PLXNB1: variants seen among roughly 807,000 people sequenced by gnomAD.
PLXNB1 encodes the protein plexin B1, also known as plexin-B1.
A neutral mutation model predicts 209.4 loss-of-function variants in PLXNB1; 106 were observed. The ratio of observed to expected loss-of-function variants is 0.51; its 90% CI spans 0.43 to 0.59. PLXNB1 has a LOEUF of 0.59. PLXNB1 is among the 20% of genes least tolerant of loss of function. The probability of loss-of-function intolerance (pLI) is 0.00; values close to 1 mark genes in which losing one functional copy is unlikely to be tolerated. For synonymous variants in PLXNB1, 1,167 were observed against 1,183.2 expected, an observed-to-expected ratio of 0.99 and a Z score of 0.28; for missense variants, 2,357 against 2,853.2, an observed-to-expected ratio of 0.83 and a Z score of 3.96.
chr3:48,423,008 C>G, intron 3 of PLXNB1, 61 bp from the exon 4 acceptor site: 1 of 1,465,916 alleles, frequency 6.8e-7, no homozygotes, highest in Admixed American at 1.8e-5. Flanking sequence ...GCCGCATCGT[C>G]CCTGGACAAC....
Position 48,417,811 on chromosome 3 carries a change from GA to G in PLXNB1, c.3374+99del, listed in dbSNP as rs1219834386. 7 of 1,278,578 alleles carry G rather than the reference GA, an allele frequency of 5.5e-6. No individual in the cohort carries two copies. The highest frequency in any genetic ancestry group is 4.2e-5 in the Admixed American group (2 of 48,060). The allele number at this position is 1,278,578 out of a possible 1,614,324, so 79.2% of individuals were successfully genotyped here. A position where few individuals can be genotyped will look rare whatever the true frequency, so the allele number is the denominator to read the frequency against. ...TGGCCAGGATCAAGGAACAGGGAGA[GA>G]GGGGGGCAGATGAGCGGTGGGTGGG... On this transcript the variant is annotated intron_variant, in intron 16 of 37. Coordinates refer to ENST00000296440, the MANE Select transcript of PLXNB1 (RefSeq NM_001130082.3). The surrounding 1 kb of genome is among the most constrained non-coding windows in gnomAD (Gnocchi z 4.4).
At position 48,409,561 on chromosome 3, in the gene PLXNB1, T is replaced by C. The variant is rs1275649060; in HGVS notation, c.5939+10A>G. 6.2e-7 allele frequency: 1 copy of C among 1,613,552 alleles called. No individual in the cohort carries two copies. Among genetic ancestry groups the C allele is most frequent in the African/African-American group, 1.3e-5 (1 of 74,986 alleles). On this transcript the variant is annotated intron_variant, in intron 33 of 37. Coordinates refer to ENST00000296440, the MANE Select transcript of PLXNB1 (RefSeq NM_001130082.3). This position sits in a 1 kb window ranked among gnomAD's most constrained non-coding sequence, Gnocchi z 5.8. Reference sequence around the variant, plus strand: ...CACACACACCTAGAGCCCACCCAGCTCCACCCCACCTGTTGGTCTTCCAGA... The same window carrying C: ...CACACACACCTAGAGCCCACCCAGCCCCACCCCACCTGTTGGTCTTCCAGA...
rs750037445 is a variant in PLXNB1, at chr3:48,413,880, G to T, written c.4386+15C>A. 1 of 1,606,692 alleles carries T rather than the reference G, an allele frequency of 6.2e-7. No homozygotes were observed. The highest frequency in any genetic ancestry group is 8.5e-7 in the Non-Finnish European group (1 of 1,174,838). On this transcript the variant is annotated intron_variant, in intron 22 of 37. Transcript: ENST00000296440. The surrounding 1 kb of genome is among the most constrained non-coding windows in gnomAD (Gnocchi z 5.4). ...CAGGTCAATGCCCAGCCCGGCCAGG[G>T]ACCTGCCCACTGACCGTGAACTCAG...
In PLXNB1 at chr3:48,418,694, T is replaced by TG. The variant is rs1317365973; in HGVS notation, c.2956-153dup. ...ACAAGTTGGAGGGCAGAGCCAGAAA[T>TG]GGAGTATGGGGACCCCATGGGGTCT... On this transcript the variant is annotated intron_variant, in intron 13 of 37. Coordinates refer to ENST00000296440, the MANE Select transcript of PLXNB1 (RefSeq NM_001130082.3). This position sits in a 1 kb window ranked among gnomAD's most constrained non-coding sequence, Gnocchi z 6.6. 1 of 856,232 alleles carries TG rather than the reference T, an allele frequency of 1.2e-6. No homozygotes were observed. The highest frequency in any genetic ancestry group is 1.7e-5 in the African/African-American group (1 of 58,912). The allele number at this position is 856,232 out of a possible 1,614,324, so 53.0% of individuals were successfully genotyped here.
rs1469655032 is a variant in PLXNB1, at chr3:48,429,370, G to C, written c.-60+638C>G. ...GGCGGAGCCGCAGCTGTTACCCGGA[G>C]ACCGAGGGGCGGAAAACTGCGCCCG... is the stretch of plus-strand genomic sequence containing the variant. On this transcript the variant is annotated intron_variant, in intron 1 of 37. Coordinates refer to ENST00000296440, the MANE Select transcript of PLXNB1 (RefSeq NM_001130082.3). The surrounding 1 kb of genome is among the most constrained non-coding windows in gnomAD (Gnocchi z 6.4). 1 of 151,244 alleles carries C rather than the reference G, an allele frequency of 6.6e-6. No homozygotes were observed. Among genetic ancestry groups the C allele is most frequent in the Non-Finnish European group, 1.5e-5 (1 of 67,706 alleles). 9.4% of individuals were successfully genotyped at this position (151,244 alleles called of 1,614,324 possible). A position where few individuals can be genotyped will look rare whatever the true frequency, so the allele number is the denominator to read the frequency against.
In PLXNB1 at chr3:48,419,736, G is replaced by T; in HGVS notation, c.2550C>A (p.Pro850=). The T allele has an allele frequency of 6.2e-7, 1 of 1,610,600 alleles. No individual in the cohort carries two copies. Among genetic ancestry groups the T allele is most frequent in the Non-Finnish European group, 8.5e-7 (1 of 1,179,244 alleles). ...DWLTREGGEL[P]EADEWTGGDA... The stretch of plus-strand genomic sequence containing the variant: ...CACCCCCCGTCCACTCGTCCGCCTC[G>T]GGCAGCTCGCCGCCTTCTCTCGTGA... Residue 850 remains proline (P), a synonymous_variant, in exon 11 of 38, where the codon CCC becomes CCA. Coordinates refer to ENST00000296440, the MANE Select transcript of PLXNB1 (RefSeq NM_001130082.3). This position sits in a 1 kb window ranked among gnomAD's most constrained non-coding sequence, Gnocchi z 5.7.
rs746142646 is a variant in PLXNB1, at chr3:48,424,048, G to T, written c.564C>A (p.Ala188=). 1 of 1,595,186 alleles carries T rather than the reference G, an allele frequency of 6.3e-7. No individual in the cohort carries two copies. The highest frequency in any genetic ancestry group is 1.3e-5 in the African/African-American group (1 of 74,520). Residue 188 remains alanine, a synonymous_variant, in exon 3 of 38, where the codon GCC becomes GCA. Transcript: ENST00000296440. ...GGGIPPITTR[A]LWPPDPQAAF... is the part of the protein sequence containing the mutation. ...CAGCTTGGGGGTCGGGCGGCCACAG[G>T]GCCCGGGTTGTGATGGGTGGAATGC...
rs199576492 is a variant in PLXNB1, at chr3:48,422,883, G to C, written c.1172C>G (p.Pro391Arg). The change falls in exon 4 of 38, where the codon CCG becomes CGG. Residue 391 changes from proline (P) to arginine (R), a missense_variant. This residue lies in a region of PLXNB1 where 404 missense variants were observed against 443.6 expected (regional missense o/e 0.91). Transcript: ENST00000296440. ...CTCCAGAATTGGTGTGGCTTCCAGC[G>C]GGACCCGGCTGGCCATGGGGCTGGG... is the stretch of plus-strand genomic sequence containing the variant. ...HTPSPMASRV[P>R]LEATPILEWP... The C allele has an allele frequency of 3.1e-6, 5 of 1,613,986 alleles. No homozygotes were observed. The South Asian group carries it at 4.4e-5, about 14-fold the overall frequency.
chr3:48,415,792 G>A lies in PLXNB1; in HGVS notation c.3618-33C>T, dbSNP rs1293962180. Reference sequence around the variant, plus strand: ...GGGAGGTGGGAATGAATGCAGGGGCGCAGGCAGGGAAAACTTGGACCACTC... The same window carrying A: ...GGGAGGTGGGAATGAATGCAGGGGCACAGGCAGGGAAAACTTGGACCACTC... On this transcript the variant is annotated intron_variant, in intron 18 of 37. Coordinates refer to ENST00000296440, the MANE Select transcript of PLXNB1 (RefSeq NM_001130082.3). This position sits in a 1 kb window ranked among gnomAD's most constrained non-coding sequence, Gnocchi z 5.0. 1.4e-5 allele frequency: 21 copies of A among 1,524,458 alleles called. No individual in the cohort carries two copies. In the East Asian group the frequency reaches 2.0e-4, roughly 14 times the overall value. 94.4% of individuals were successfully genotyped at this position (1,524,458 alleles called of 1,614,324 possible).
In PLXNB1 at chr3:48,404,605, A is replaced by G. The variant is rs1368172046; in HGVS notation, c.6304-15T>C. 6.3e-7 allele frequency: 1 copy of G among 1,575,356 alleles called. No homozygotes were observed. The highest frequency in any genetic ancestry group is 1.1e-5 in the South Asian group (1 of 89,580). Reference sequence around the variant, plus strand: ...GCAGTGATGATCTGAAACAGAGACCAATGCCATCAGGGGAGACTTCTTTGG... The same window carrying G: ...GCAGTGATGATCTGAAACAGAGACCGATGCCATCAGGGGAGACTTCTTTGG... On this transcript the variant is annotated splice_polypyrimidine_tract_variant and intron_variant, in intron 37 of 37. Coordinates refer to ENST00000296440, the MANE Select transcript of PLXNB1 (RefSeq NM_001130082.3).
rs140998624 is a variant in PLXNB1 at position 48,404,186 on chromosome 3, G to A, written c.*300C>T. The A allele has an allele frequency of 8.9e-4, 344 of 387,038 alleles. 4 individuals carry two copies. The East Asian group carries it at 0.015, about 17-fold the overall frequency. The allele number at this position is 387,038 out of a possible 1,614,324, so 24.0% of individuals were successfully genotyped here. A position where few individuals can be genotyped will look rare whatever the true frequency, so the allele number is the denominator to read the frequency against. ...CAGGAACAGTACAGTCTCCCCAGGGGCCTGGAGTCTCTTCCAGCCACTCTC... is the reference window on the plus strand; with the variant it reads ...CAGGAACAGTACAGTCTCCCCAGGGACCTGGAGTCTCTTCCAGCCACTCTC... On this transcript the variant is annotated 3_prime_UTR_variant, in exon 38 of 38. Transcript: ENST00000296440.
chr3:48,413,557 ACT>A lies in PLXNB1; in HGVS notation c.4535+111_4535+112del. Reference sequence around the variant, plus strand: ...CTTGGCCTGCAAAGCGAAAATATTTACTCTCTGGCCATTTACAGAGAATGTTT... The same window carrying A: ...CTTGGCCTGCAAAGCGAAAATATTTACTCTGGCCATTTACAGAGAATGTTT... On this transcript the variant is annotated intron_variant, in intron 23 of 37. Coordinates refer to ENST00000296440, the MANE Select transcript of PLXNB1 (RefSeq NM_001130082.3). The surrounding 1 kb of genome is among the most constrained non-coding windows in gnomAD (Gnocchi z 5.4). The A allele has an allele frequency of 9.5e-6, 11 of 1,162,042 alleles. No homozygotes were observed. The highest frequency in any genetic ancestry group is 1.3e-5 in the Non-Finnish European group (11 of 841,616). The allele number at this position is 1,162,042 out of a possible 1,614,324, so 72.0% of individuals were successfully genotyped here.
chr3:48,426,099 G>C (rs963022997), intron 1 of PLXNB1, among the ~76,000 whole-genome samples: 1 of 152,194 alleles, frequency 6.6e-6, no homozygotes, highest in Non-Finnish European at 1.5e-5. Context: ...AGCTGTAGAA[G>C]CTAGGCCATC....
chr3:48,418,511 C>G lies in PLXNB1; in HGVS notation c.2987G>C (p.Arg996Pro). ...GGCCCGACGCAGAAACAGCCCCACACGGAGCTCCGGCTGCAGAGCCTCATA... is the reference window on the plus strand; with the variant it reads ...GGCCCGACGCAGAAACAGCCCCACAGGGAGCTCCGGCTGCAGAGCCTCATA... ...LSYEALQPEL[R>P]VGLFLRRAGR... Residue 996 changes from arginine to proline, a missense_variant, in exon 14 of 38, where the codon CGT becomes CCT. Physicochemically the swap from Arg to Pro is moderately radical, Grantham distance 103 (BLOSUM62 -2). Transcript: ENST00000296440. The surrounding 1 kb of genome is among the most constrained non-coding windows in gnomAD (Gnocchi z 6.6). The G allele has an allele frequency of 6.2e-7, 1 of 1,609,354 alleles. No homozygotes were observed. The highest frequency in any genetic ancestry group is 8.5e-7 in the Non-Finnish European group (1 of 1,178,220).
Position 48,415,421 on chromosome 3 carries a change from G to T in PLXNB1, c.3795-74C>A, listed in dbSNP as rs2038018676. 2 of 1,512,428 alleles carry T rather than the reference G, an allele frequency of 1.3e-6. No homozygotes were observed. Among genetic ancestry groups the T allele is most frequent in the Non-Finnish European group, 1.8e-6 (2 of 1,111,454 alleles). 93.7% of individuals were successfully genotyped at this position (1,512,428 alleles called of 1,614,324 possible). ...GGACCTAAAGCACAGCCCAGTCCCGGCTAGGTCAGCTCAGCCCCAGCCCCA... is the reference window on the plus strand; with the variant it reads ...GGACCTAAAGCACAGCCCAGTCCCGTCTAGGTCAGCTCAGCCCCAGCCCCA... On this transcript the variant is annotated intron_variant, in intron 19 of 37. Coordinates refer to ENST00000296440, the MANE Select transcript of PLXNB1 (RefSeq NM_001130082.3). This position sits in a 1 kb window ranked among gnomAD's most constrained non-coding sequence, Gnocchi z 5.0.
At position 48,405,599 on chromosome 3, in the gene PLXNB1, G is replaced by T; in HGVS notation, c.6303+125C>A. On this transcript the variant is annotated intron_variant, in intron 37 of 37. Transcript: ENST00000296440. The surrounding 1 kb of genome is among the most constrained non-coding windows in gnomAD (Gnocchi z 5.0). ...CACTTCTCAAGCCACCAAGGGGCCC[G>T]GCCCCCCACTACTCTGTCCCTGGGG... is the stretch of plus-strand genomic sequence containing the variant. The T allele has an allele frequency of 1.4e-6, 1 of 714,284 alleles. No individual in the cohort carries two copies. The allele number at this position is 714,284 out of a possible 1,614,324, so 44.2% of individuals were successfully genotyped here. A position where few individuals can be genotyped will look rare whatever the true frequency, so the allele number is the denominator to read the frequency against.
In PLXNB1 at chr3:48,413,831, C is replaced by G; in HGVS notation, c.4387-13G>C. On this transcript the variant is annotated splice_polypyrimidine_tract_variant and intron_variant, in intron 22 of 37. Coordinates refer to ENST00000296440, the MANE Select transcript of PLXNB1 (RefSeq NM_001130082.3). This position sits in a 1 kb window ranked among gnomAD's most constrained non-coding sequence, Gnocchi z 5.4. The stretch of plus-strand genomic sequence containing the variant: ...TCCCCATCTGCACCTGTGTCAGGAG[C>G]CACCTGTGAGCAAGGGTTTGGCCCA... 6.2e-7 allele frequency: 1 copy of G among 1,611,810 alleles called. No homozygotes were observed.
chr3:48,429,696 C>T lies in PLXNB1; in HGVS notation c.-60+312G>A, dbSNP rs2039093464. 6.6e-6 allele frequency among the ~76,000 whole-genome samples: 1 copy of T among 152,050 alleles called. No individual in the cohort carries two copies. Among genetic ancestry groups the T allele is most frequent in the Admixed American group, 6.5e-5 (1 of 15,276 alleles). On this transcript the variant is annotated intron_variant, in intron 1 of 37. Transcript: ENST00000296440. The surrounding 1 kb of genome is among the most constrained non-coding windows in gnomAD (Gnocchi z 6.4). ...GGTCGCCATGGCAACGCGGGTCGCC[C>T]GGAGGGGTGAGGAGTGAACCCCGGG...
In PLXNB1 at chr3:48,404,541, C is replaced by T; in HGVS notation, c.6353G>A (p.Gly2118Asp). 2.5e-6 allele frequency: 4 copies of T among 1,613,806 alleles called. No homozygotes were observed. Among genetic ancestry groups the T allele is most frequent in the Non-Finnish European group, 3.4e-6 (4 of 1,179,820 alleles). ...AGCTGCAATCTGCTGGAGCCGATAGCCCAGCTGCATCTTCTGGGCCGTGCC... is the reference window on the plus strand; with the variant it reads ...AGCTGCAATCTGCTGGAGCCGATAGTCCAGCTGCATCTTCTGGGCCGTGCC... ...EDGTAQKMQL[G>D]YRLQQIAAAV... is the part of the protein sequence containing the mutation. Residue 2118 changes from glycine to aspartate, a missense_variant, in exon 38 of 38, where the codon GGC (glycine) becomes GAC (aspartate). This residue lies in a region of PLXNB1 where 414 missense variants were observed against 520.5 expected (regional missense o/e 0.80). Transcript: ENST00000296440.
Sources: allele counts gnomAD v4.1 joint callset (sites outside exome capture counted in the v4.1 genomes callset), GRCh38; gene constraint gnomAD v4.1.1; regional missense constraint gnomAD v4.1.1; non-coding constraint Gnocchi (gnomAD v3.1); transcripts MANE v1.5; gene names NCBI Gene and HGNC (gene_info 2026-07-23, HGNC 2026-07-21).